MGA: variants seen among roughly 807,000 people sequenced by gnomAD.
MGA encodes the protein MAX dimerization protein MGA.
Under a neutral mutation model 261.1 loss-of-function variants are expected in MGA, and 40 were observed. The ratio of observed to expected loss-of-function variants is 0.15; its 90% CI spans 0.12 to 0.20. The LOEUF is 0.20. Ranked by LOEUF, MGA falls within the 10% of genes least tolerant of loss-of-function variation. The probability of loss-of-function intolerance (pLI) is 1.00; values close to 1 mark genes in which losing one functional copy is unlikely to be tolerated. For missense variants in MGA, 3,397 were observed against 3,630.5 expected, an observed-to-expected ratio of 0.94 and a Z score of 1.65; for synonymous variants, 1,302 against 1,290.6, an observed-to-expected ratio of 1.01 and a Z score of -0.19.
Position 41,767,414 on chromosome 15 carries a change from G to A in MGA, c.*134G>A. Reference sequence around the variant, plus strand: ...AATGATGCAGTGGATAATGATGGGAGAAAGGGGGTAGGGTGCTGACCCTGG... The same window carrying A: ...AATGATGCAGTGGATAATGATGGGAAAAAGGGGGTAGGGTGCTGACCCTGG... On this transcript the variant is annotated 3_prime_UTR_variant, in exon 24 of 24. Transcript: ENST00000219905. 1 of 929,998 alleles carries A rather than the reference G, an allele frequency of 1.1e-6. No individual in the cohort carries two copies. Among genetic ancestry groups the A allele is most frequent in the Non-Finnish European group, 1.6e-6 (1 of 621,714 alleles). The allele number at this position is 929,998 out of a possible 1,614,324, so 57.6% of individuals were successfully genotyped here. A position where few individuals can be genotyped will look rare whatever the true frequency, so the allele number is the denominator to read the frequency against.
At chr15:41,674,238 C>T (rs1595663824) in intron 2 of MGA, among the ~76,000 whole-genome samples, 4 of 152,206 alleles carry the variant, frequency 2.6e-5, no homozygotes, top group Admixed American at 2.6e-4. Context: ...GCTCTATTGC[C>T]TCAGCTGGAA....
At chr15:41,694,169 A>G (rs370397345) in intron 2 of MGA, among the ~76,000 whole-genome samples, 1 of 151,968 alleles carries the variant, frequency 6.6e-6, no homozygotes, top group African/African-American at 2.4e-5. Context: ...TGTAATCCCA[A>G]CACTTTGGGA....
At chr15:41,673,914 C>T (rs149978841) in intron 2 of MGA, among the ~76,000 whole-genome samples, 149 of 152,254 alleles carry the variant, frequency 9.8e-4, no homozygotes, top group African/African-American at 2.7e-3. Context: ...TGTTTTGAGA[C>T]GGAGTCTTGC....
upstream of MGA, among the ~76,000 whole-genome samples, chr15:41,656,436 G>C (rs1468452032): frequency 1.4e-5 from 2 of 145,458 alleles, no homozygotes; most frequent in South Asian, 4.4e-4. Context: ...CTGCCCCCTG[G>C]GCTTAAACAG....
rs2151564687 is a variant in MGA, at chr15:41,718,239, ATCTC to A, written c.3430+4744_3430+4747del. On this transcript the variant is annotated intron_variant, in intron 9 of 23. Transcript: ENST00000219905. Reference sequence around the variant, plus strand: ...ATTTATCATCTCAAGATATATATCTATCTCACTATATATAGATAGATATCTTGAT... The same window carrying A: ...ATTTATCATCTCAAGATATATATCTAACTATATATAGATAGATATCTTGAT... 4 of 201,832 alleles carry A rather than the reference ATCTC, an allele frequency of 2.0e-5. No homozygotes were observed. The East Asian group carries it at 3.3e-4, about 16-fold the overall frequency. 12.5% of individuals were successfully genotyped at this position (201,832 alleles called of 1,614,324 possible).
chr15:41,636,394 G>T (rs2056707634), intron 1 of MGA, among the ~76,000 whole-genome samples: 1 of 151,508 alleles, frequency 6.6e-6, no homozygotes, highest in African/African-American at 2.4e-5. Flanking sequence ...CCAGGTTCAA[G>T]CGTTTCTTCT....
At chr15:41,750,665 T>A (rs1273345803) in intron 17 of MGA, 50 bp downstream of exon 17, 10 of 1,491,388 alleles carry the variant, frequency 6.7e-6, no homozygotes, top group Middle Eastern at 3.8e-4. Flanking sequence ...TTTAAATGAT[T>A]TATTAAAGAC....
At chr15:41,731,729 C>T (rs906916369) in intron 11 of MGA, among the ~76,000 whole-genome samples, 2 of 152,178 alleles carry the variant, frequency 1.3e-5, no homozygotes, top group Non-Finnish European at 2.9e-5. Context: ...TAATTATACA[C>T]TATGCCATTT....
rs754788327 is a variant in MGA at position 41,699,124 on chromosome 15, G to A, written c.2153G>A (p.Arg718Gln). 4 of 1,611,510 alleles carry A rather than the reference G, an allele frequency of 2.5e-6. No individual in the cohort carries two copies. The highest frequency in any genetic ancestry group is 1.1e-5 in the South Asian group (1 of 90,522). The change falls in exon 5 of 24, where the codon CGG becomes CAG. Residue 718 changes from arginine (R) to glutamine (Q), a missense_variant. By Grantham distance (43) the Arg-to-Gln change is conservative. Around this residue, in one of 9 missense-constraint regions of MGA, gnomAD observed 563 missense variants for 563.6 expected, o/e 1.00. Transcript: ENST00000219905. Reference sequence around the variant, plus strand: ...TTGATAGAAGATTTGAAGACTTTGCGGCACAAGCAGGTGATACATCCTGGT... The same window carrying A: ...TTGATAGAAGATTTGAAGACTTTGCAGCACAAGCAGGTGATACATCCTGGT...
intron 1 of MGA, among the ~76,000 whole-genome samples, chr15:41,633,352 G>GTTTT (rs1566923971): frequency 2.1e-5 from 2 of 93,988 alleles, no homozygotes; most frequent in African/African-American, 3.2e-5. Context: ...CCCTCCTATG[G>GTTTT]TATTTTTTTT....
At chr15:41,633,193 C>T (rs1004480238) in intron 1 of MGA, among the ~76,000 whole-genome samples, 1 of 152,016 alleles carries the variant, frequency 6.6e-6, no homozygotes, top group Admixed American at 6.6e-5. Flanking sequence ...TTGTGATCCC[C>T]CCTGCCTTGG....
intron 2 of MGA, among the ~76,000 whole-genome samples, chr15:41,677,566 A>G (rs1004909848): frequency 3.9e-5 from 6 of 152,212 alleles, no homozygotes; most frequent in Non-Finnish European, 7.3e-5. Context: ...ATTCCCATCA[A>G]CAGTGCACAA....
chr15:41,732,874 AT>A (rs1361934978), intron 11 of MGA, among the ~76,000 whole-genome samples: 3 of 152,226 alleles, frequency 2.0e-5, no homozygotes, highest in Non-Finnish European at 4.4e-5. Flanking sequence ...AAGATGAACC[AT>A]TCAGACTCCT....
intron 14 of MGA, among the ~76,000 whole-genome samples, chr15:41,740,926 A>G (rs1301958809): frequency 6.6e-6 from 1 of 152,212 alleles, no homozygotes; most frequent in East Asian, 1.9e-4. Flanking sequence ...GAGTATCTAT[A>G]GTTGGTTTAT....
chr15:41,762,934 A>G (rs2063565479), intron 22 of MGA, among the ~76,000 whole-genome samples: 1 of 152,084 alleles, frequency 6.6e-6, no homozygotes, highest in Non-Finnish European at 1.5e-5. Flanking sequence ...TTTAATGAGT[A>G]GTTTTTTAAA....
chr15:41,670,443 T>C (rs750927005), intron 2 of MGA, among the ~76,000 whole-genome samples: 1 of 152,174 alleles, frequency 6.6e-6, no homozygotes, highest in African/African-American at 2.4e-5. Flanking sequence ...AGAGAGAGAC[T>C]GAAAGATGTT....
At chr15:41,695,420 C>T (rs879701408) in intron 2 of MGA, among the ~76,000 whole-genome samples, 16 of 152,156 alleles carry the variant, frequency 1.1e-4, no homozygotes, top group Non-Finnish European at 1.9e-4. Context: ...ATCTCTTGAC[C>T]TTGTGATCCG....
intron 1 of MGA, among the ~76,000 whole-genome samples, chr15:41,640,544 G>A (rs541857595): frequency 1.3e-5 from 2 of 151,736 alleles, no homozygotes; most frequent in African/African-American, 2.4e-5. Flanking sequence ...TTTTGAGATG[G>A]AATCTCGCTC....
At chr15:41,630,556 G>A (rs2056567168) in intron 1 of MGA, among the ~76,000 whole-genome samples, 1 of 152,150 alleles carries the variant, frequency 6.6e-6, no homozygotes, top group East Asian at 1.9e-4. Context: ...ATGTCAAGTT[G>A]TTGGTTTTAG....
Sources: allele counts gnomAD v4.1 joint callset (sites outside exome capture counted in the v4.1 genomes callset), GRCh38; gene constraint gnomAD v4.1.1; regional missense constraint gnomAD v4.1.1; transcripts MANE v1.5; gene names NCBI Gene and HGNC (gene_info 2026-07-23, HGNC 2026-07-21).